The following GPR35 variants were observed in gnomAD, a reference collection of about 807,000 sequenced individuals.
The protein encoded by GPR35 is KYNA receptor.
For synonymous variants in GPR35, 207 were observed against 198.4 expected (o/e 1.04, Z -0.36); for missense variants, 372 against 422.5 (o/e 0.88, Z 1.05).
rs138343579 is a variant in GPR35 at position 240,630,823 on chromosome 2, G to A, written c.871G>A (p.Val291Met). 13 of 1,613,090 alleles carry A rather than the reference G, an allele frequency of 8.1e-6. No individual in the cohort carries two copies. The highest frequency in any genetic ancestry group is 6.7e-5 in the East Asian group (3 of 44,890). ...GTTCCAGGAGGCGTCTGCACTGGCC[G>A]TGGCTCCCAGTGCTAAGGCCCACAA... is the stretch of plus-strand genomic sequence containing the variant. ...KEFQEASALA[V>M]APSAKAHKSQ... Residue 291 changes from valine (V) to methionine (M), a missense_variant, in exon 2 of 2, where the codon GTG (valine) becomes ATG (methionine). Physicochemically the swap from Val to Met is conservative, Grantham distance 21. Coordinates refer to ENST00000407714, the MANE Select transcript of GPR35 (RefSeq NM_005301.5).
chr2:240,618,147 A>C (rs1170886181), intron 4 of GPR35, among the ~76,000 whole-genome samples: 5 of 152,162 alleles, frequency 3.3e-5, no homozygotes, highest in Non-Finnish European at 7.3e-5. Flanking sequence ...GTTTTTACTT[A>C]ATCTTATTGA....
intron 4 of GPR35, chr2:240,618,863 A>C: frequency 1.6e-6 from 1 of 638,384 alleles, no homozygotes; most frequent in East Asian, 2.8e-5. Flanking sequence ...AGTGTGTAGA[A>C]ATATTTCTCC....
chr2:240,629,599 T>G, intron 1 of GPR35: 1 of 215,680 alleles, frequency 4.6e-6, no homozygotes, highest in Non-Finnish European at 9.2e-6. Context: ...TGGTGGCCCT[T>G]TGGGCTCCCT....
chr2:240,621,347 C>T (rs532144802), upstream of GPR35, among the ~76,000 whole-genome samples: 47 of 152,232 alleles, frequency 3.1e-4, no homozygotes, highest in Middle Eastern at 3.4e-3. Flanking sequence ...CTCCGCCTCC[C>T]GGGTTCAAGC....
At chr2:240,619,482 C>T (rs1188152008) in intron 5 of GPR35, among the ~76,000 whole-genome samples, 1 of 152,206 alleles carries the variant, frequency 6.6e-6, no homozygotes, top group African/African-American at 2.4e-5. Flanking sequence ...AGTGCTTCTT[C>T]TGGGGTTAAG....
chr2:240,623,655 A>T (rs1017970930), upstream of GPR35, among the ~76,000 whole-genome samples: 1 of 152,000 alleles, frequency 6.6e-6, no homozygotes, highest in African/African-American at 2.4e-5. Flanking sequence ...GCTGGGTGGG[A>T]CTGCCCTGAA....
In GPR35 at chr2:240,631,569, G is replaced by T. The variant is rs982636943; in HGVS notation, c.*687G>T. ...GGGTGACCAAGGTCAAGCAGGTGAGGGTGGGTTGGGGTGGGTGGCAGTGAA... is the reference window on the plus strand; with the variant it reads ...GGGTGACCAAGGTCAAGCAGGTGAGTGTGGGTTGGGGTGGGTGGCAGTGAA... On this transcript the variant is annotated 3_prime_UTR_variant, in exon 2 of 2. Transcript: ENST00000407714. Among the ~76,000 whole-genome samples, 5 of 152,068 alleles carry T rather than the reference G, an allele frequency of 3.3e-5. No homozygotes were observed. Among genetic ancestry groups the T allele is most frequent in the African/African-American group, 9.7e-5 (4 of 41,418 alleles).
intron 5 of GPR35, among the ~76,000 whole-genome samples, chr2:240,620,019 G>A (rs2043275720): frequency 6.6e-6 from 1 of 152,216 alleles, no homozygotes; most frequent in Non-Finnish European, 1.5e-5. Flanking sequence ...CCCAGTCACA[G>A]AGCCTTGTGC....
intron 2 of GPR35, among the ~76,000 whole-genome samples, chr2:240,614,648 T>C (rs762351845): frequency 1.3e-5 from 2 of 152,208 alleles, no homozygotes; most frequent in Admixed American, 6.5e-5. Context: ...CATGGGTGCT[T>C]CCTGCCTGGT....
intron 2 of GPR35, chr2:240,616,368 T>C (rs200280162): frequency 3.9e-5 from 29 of 749,848 alleles, no homozygotes; most frequent in South Asian, 8.3e-5. Flanking sequence ...TCCTCCTCCG[T>C]CTCTCTATTC....
intron 1 of GPR35, chr2:240,628,195 C>A (rs1007568065): frequency 1.3e-5 from 2 of 152,176 alleles, no homozygotes; most frequent in African/African-American, 4.8e-5. Context: ...ATCTCCTGGC[C>A]CCCAGCGGGG....
chr2:240,619,838 AG>A (rs2043273845), intron 5 of GPR35, among the ~76,000 whole-genome samples: 1 of 152,126 alleles, frequency 6.6e-6, no homozygotes. Context: ...TTCCCGAGCC[AG>A]GAAGTGGCAC....
intron 2 of GPR35, among the ~76,000 whole-genome samples, chr2:240,607,046 C>G (rs989386594): frequency 1.3e-5 from 2 of 152,036 alleles, no homozygotes; most frequent in Non-Finnish European, 2.9e-5. Flanking sequence ...TTGACATATA[C>G]CCAGGAAGCA....
intron 1 of GPR35, among the ~76,000 whole-genome samples, chr2:240,625,838 A>G: frequency 1.9e-5 from 1 of 51,300 alleles, no homozygotes. Context: ...GGTGTCTCAG[A>G]GTGGGGTGAG....
chr2:240,629,380 G>A (rs2043412720), intron 1 of GPR35: 1 of 152,886 alleles, frequency 6.5e-6, no homozygotes, highest in Non-Finnish European at 1.5e-5. Context: ...GGTAGGGGCA[G>A]GCCAGAGTCC....
At chr2:240,616,532 A>C in intron 3 of GPR35, 1 of 776,900 alleles carries the variant, frequency 1.3e-6, no homozygotes. Flanking sequence ...TGGTTTTTTG[A>C]CAAGCCCACT....
rs145963376 is a variant in GPR35, at chr2:240,630,676, G to A, written c.724G>A (p.Ala242Thr). ...GCACGTGGGGCTGACAGTGCGCCTCGCAGTGGGCTGGAACGCCTGTGCCCT... is the reference window on the plus strand; with the variant it reads ...GCACGTGGGGCTGACAGTGCGCCTCACAGTGGGCTGGAACGCCTGTGCCCT... ...PLHVGLTVRL[A>T]VGWNACALLE... The change falls in exon 2 of 2, where the codon GCA becomes ACA. Residue 242 changes from alanine to threonine, a missense_variant. Transcript: ENST00000407714. 232 of 1,613,290 alleles carry A rather than the reference G, an allele frequency of 1.4e-4. No individual in the cohort carries two copies. The highest frequency in any genetic ancestry group is 8.3e-4 in the African/African-American group (62 of 75,066).
exon 4 of GPR35, chr2:240,617,198 C>G (rs2043248267): frequency 2.9e-6 from 2 of 700,526 alleles, no homozygotes; most frequent in South Asian, 1.6e-5. Flanking sequence ...GAAACTCTAC[C>G]AACAGCCACC....
At chr2:240,615,895 T>C (rs886901455) in intron 2 of GPR35, among the ~76,000 whole-genome samples, 7 of 152,192 alleles carry the variant, frequency 4.6e-5, no homozygotes, top group Non-Finnish European at 8.8e-5. Flanking sequence ...TCCCACCTTA[T>C]ACGTTTTTAA....
Sources: gnomAD v4.1 joint callset for allele counts (sites outside exome capture counted in the v4.1 genomes callset) on GRCh38, gnomAD v4.1.1 for gene constraint, MANE v1.5 for transcripts, NCBI Gene and HGNC (gene_info 2026-07-23, HGNC 2026-07-21) for gene names.